STAB2: variants seen among roughly 807,000 people sequenced by gnomAD.
STAB2 encodes the protein stabilin 2, also known as stabilin-2.
In STAB2, 288 loss-of-function variants were observed where a neutral mutation model predicts 338.1. That is an observed-to-expected ratio of 0.85 (90% confidence interval 0.77 to 0.94). The LOEUF (loss-of-function observed/expected upper bound fraction) is 0.94. STAB2 is among the 40% of genes least tolerant of loss of function. The pLI is 0.00. For synonymous variants in STAB2, 1,202 were observed against 1,193.3 expected, an observed-to-expected ratio of 1.01 and a Z score of -0.15; for missense variants, 3,141 against 3,210.1, an observed-to-expected ratio of 0.98 and a Z score of 0.52.
chr12:103,690,371 T>C, intron 29 of STAB2, 53 bp from the exon 30 acceptor site: 1 of 1,436,906 alleles, frequency 7.0e-7, no homozygotes, highest in Non-Finnish European at 9.7e-7. Context: ...TATTCAATGA[T>C]ACAGCCCCAT....
chr12:103,726,726 G>A (rs1269786868), intron 46 of STAB2, among the ~76,000 whole-genome samples: 1 of 151,958 alleles, frequency 6.6e-6, no homozygotes, highest in Admixed American at 6.6e-5. Flanking sequence ...ACATCTGAAT[G>A]AGATTCAGAT....
At position 103,755,453 on chromosome 12, in the gene STAB2, G is replaced by A; in HGVS notation, c.6866G>A (p.Cys2289Tyr). The change falls in exon 62 of 69, where the codon TGC (cysteine) becomes TAC (tyrosine). Residue 2289 changes from cysteine (C) to tyrosine (Y), a missense_variant. By Grantham distance (194) the Cys-to-Tyr change is radical. Coordinates refer to ENST00000388887, the MANE Select transcript of STAB2 (RefSeq NM_017564.10). Reference sequence around the variant, plus strand: ...AAGAGTGAAATGTGGGATGTCTTCTGCTATCGGATGAAAGGTAACCGCCCC... The same window carrying A: ...AAGAGTGAAATGTGGGATGTCTTCTACTATCGGATGAAAGGTAACCGCCCC... Reference protein sequence around the residue: ...PNKSEMWDVFCYRMKDVNCTC... With the variant: ...PNKSEMWDVFYYRMKDVNCTC... The A allele has an allele frequency of 6.2e-7, 1 of 1,614,026 alleles. No homozygotes were observed. The highest frequency in any genetic ancestry group is 1.1e-5 in the South Asian group (1 of 91,070).
chr12:103,748,605 TACACACACACACAC>T (rs71097994), intron 58 of STAB2, among the ~76,000 whole-genome samples: 1,606 of 141,658 alleles, frequency 0.011, 17 homozygotes, highest in East Asian at 0.044. Flanking sequence ...CACACACACA[TACACACACACACAC>T]ACACACACAC....
intron 3 of STAB2, among the ~76,000 whole-genome samples, chr12:103,609,758 C>G (rs1249224179): frequency 6.6e-6 from 1 of 152,114 alleles, no homozygotes; most frequent in Non-Finnish European, 1.5e-5. Flanking sequence ...ACATCCCTGT[C>G]TTGTGCCAGT....
chr12:103,733,270 T>G, intron 51 of STAB2, 88 bp downstream of exon 51: 1 of 1,474,988 alleles, frequency 6.8e-7, no homozygotes, highest in East Asian at 2.3e-5. Flanking sequence ...CTAGGAACTG[T>G]CAGTGTGTCC....
At position 103,765,301 on chromosome 12, in the gene STAB2, A is replaced by C. The variant is rs529211413; in HGVS notation, c.7606-985A>C. ...AAAGATTTACCTGAGGCAGGTGAGA[A>C]AGTAGCCTAAATGCAGGATTCAGCT... On this transcript the variant is annotated intron_variant, in intron 68 of 68. Coordinates refer to ENST00000388887, the MANE Select transcript of STAB2 (RefSeq NM_017564.10). Among the ~76,000 whole-genome samples the C allele has an allele frequency of 4.6e-5, 7 of 152,284 alleles. No individual in the cohort carries two copies. The South Asian group carries it at 1.4e-3, about 32-fold the overall frequency.
chr12:103,724,716 A>G (rs1881042200), intron 44 of STAB2, among the ~76,000 whole-genome samples: 1 of 152,130 alleles, frequency 6.6e-6, no homozygotes, highest in Admixed American at 6.5e-5. Flanking sequence ...CAATTTGGCA[A>G]CTCTGGGCTT....
intron 3 of STAB2, among the ~76,000 whole-genome samples, chr12:103,619,810 A>C: frequency 6.6e-6 from 1 of 151,178 alleles, no homozygotes; most frequent in Admixed American, 6.6e-5. Flanking sequence ...AGCCCCATAA[A>C]ACTCTGTCAT....
intron 1 of STAB2, among the ~76,000 whole-genome samples, chr12:103,587,769 G>T (rs1316792879): frequency 6.6e-6 from 1 of 152,176 alleles, no homozygotes; most frequent in African/African-American, 2.4e-5. Flanking sequence ...GAAGCGCCCC[G>T]CTGCTGTTGG....
intron 48 of STAB2, among the ~76,000 whole-genome samples, chr12:103,729,269 G>T (rs1881454052): frequency 1.3e-5 from 2 of 152,134 alleles, no homozygotes; most frequent in African/African-American, 4.8e-5. Context: ...ATACCTGGGT[G>T]ATGAAATAAT....
intron 46 of STAB2, 101 bp from the exon 47 acceptor site, chr12:103,727,166 C>A: frequency 8.1e-7 from 1 of 1,233,960 alleles, no homozygotes; most frequent in Non-Finnish European, 1.2e-6. Context: ...CTCATCCAGT[C>A]TTTGCTTCAC....
At chr12:103,713,075 A>G (rs1880011608) in intron 41 of STAB2, among the ~76,000 whole-genome samples, 1 of 152,210 alleles carries the variant, frequency 6.6e-6, no homozygotes, top group Non-Finnish European at 1.5e-5. Context: ...TTACCTTGGG[A>G]AAGTTTCTTG....
chr12:103,757,029 A>AAAG (rs1884175752), intron 63 of STAB2, among the ~76,000 whole-genome samples: 1 of 144,178 alleles, frequency 6.9e-6, no homozygotes, highest in Non-Finnish European at 1.5e-5. Context: ...ATATATATAT[A>AAAG]TAAAATATAT....
intron 31 of STAB2, 68 bp downstream of exon 31, chr12:103,692,957 C>CTT: frequency 7.6e-7 from 1 of 1,317,482 alleles, no homozygotes; most frequent in African/African-American, 1.6e-5. Flanking sequence ...TCCTATACAG[C>CTT]ATTTTTTTTT....
At chr12:103,701,366 C>T (rs979752335) in intron 34 of STAB2, among the ~76,000 whole-genome samples, 7 of 152,058 alleles carry the variant, frequency 4.6e-5, no homozygotes, top group Non-Finnish European at 1.0e-4. Context: ...TGGGTATATA[C>T]CCAGTAATGG....
intron 31 of STAB2, among the ~76,000 whole-genome samples, chr12:103,694,157 G>A (rs1878200582): frequency 6.6e-6 from 1 of 152,134 alleles, no homozygotes; most frequent in Non-Finnish European, 1.5e-5. Flanking sequence ...GGCCAGAGTG[G>A]AGGCTAGCTA....
chr12:103,725,591 T>TGC (rs1184346239), intron 45 of STAB2, among the ~76,000 whole-genome samples: 1 of 151,906 alleles, frequency 6.6e-6, no homozygotes, highest in Non-Finnish European at 1.5e-5. Flanking sequence ...CACGTGTGTG[T>TGC]GCATGTGTGT....
At chr12:103,657,742 A>G (rs1874300502) in intron 15 of STAB2, 2 of 152,182 alleles carry the variant, frequency 1.3e-5, no homozygotes, top group Admixed American at 6.5e-5. Context: ...TTTCCATTTC[A>G]ATTTCTAGGT....
intron 25 of STAB2, 87 bp from the exon 26 acceptor site, chr12:103,683,118 T>C: frequency 2.6e-6 from 3 of 1,171,090 alleles, no homozygotes; most frequent in Middle Eastern, 2.0e-4. Context: ...TCAGTTTCCA[T>C]AGTACGTTTC....
Sources: allele counts gnomAD v4.1 joint callset (sites outside exome capture counted in the v4.1 genomes callset), GRCh38; gene constraint gnomAD v4.1.1; transcripts MANE v1.5; gene names NCBI Gene and HGNC (gene_info 2026-07-23, HGNC 2026-07-21).